Variants in ARHGAP22 observed in about 807,000 individuals in gnomAD.
The protein encoded by ARHGAP22 is rho GTPase-activating protein 22.
Under a neutral mutation model 59.1 loss-of-function variants are expected in ARHGAP22, and 48 were observed. That is an observed-to-expected ratio of 0.81 (90% CI 0.64 to 1.03). ARHGAP22 has a LOEUF of 1.03. Ranked by LOEUF, ARHGAP22 falls within the 50% of genes least tolerant of loss-of-function variation. The probability of loss-of-function intolerance (pLI) is 0.00; values close to 1 mark genes in which losing one functional copy is unlikely to be tolerated. For missense variants in ARHGAP22, 1,015 were observed against 958.7 expected, an observed-to-expected ratio of 1.06 and a Z score of -0.78; for synonymous variants, 445 against 416.4, an observed-to-expected ratio of 1.07 and a Z score of -0.84.
upstream of ARHGAP22, chr10:48,605,152 G>C: frequency 8.5e-7 from 1 of 1,169,622 alleles, no homozygotes. Flanking sequence ...GCGGGGCGGG[G>C]CCGAGAGGGG....
At chr10:48,538,583 C>T (rs1283569794) in intron 3 of ARHGAP22, among the ~76,000 whole-genome samples, 1 of 152,150 alleles carries the variant, frequency 6.6e-6, no homozygotes, top group African/African-American at 2.4e-5. Context: ...TTCTGGTATT[C>T]CAGAATAATG....
chr10:48,533,316 T>C (rs1023313258), intron 3 of ARHGAP22, among the ~76,000 whole-genome samples: 2 of 152,154 alleles, frequency 1.3e-5, no homozygotes, highest in African/African-American at 2.4e-5. Context: ...TATTCTTTTT[T>C]CTTTCTGTTG....
chr10:48,563,137 T>C lies in ARHGAP22; in HGVS notation c.235-7587A>G, dbSNP rs1284918106. 3.3e-5 allele frequency among the ~76,000 whole-genome samples: 5 copies of C among 150,828 alleles called. No homozygotes were observed. The East Asian group carries it at 8.1e-4, about 24-fold the overall frequency. The stretch of plus-strand genomic sequence containing the variant: ...CCTCTTTGTCTGCCTCCCTTTCCAC[T>C]ATAAAGAACTCTTATGATTATATTA... On this transcript the variant is annotated intron_variant, in intron 2 of 9. Coordinates refer to ENST00000249601, the MANE Select transcript of ARHGAP22 (RefSeq NM_021226.4).
chr10:48,531,078 A>C (rs1299833690), intron 3 of ARHGAP22, among the ~76,000 whole-genome samples: 2 of 152,252 alleles, frequency 1.3e-5, no homozygotes, highest in Non-Finnish European at 2.9e-5. Flanking sequence ...ATACCATGGA[A>C]TACTTCTTAG....
intron 1 of ARHGAP22, among the ~76,000 whole-genome samples, chr10:48,629,096 G>C (rs576528089): frequency 6.6e-6 from 1 of 152,234 alleles, no homozygotes; most frequent in South Asian, 2.1e-4. Flanking sequence ...GCTCCCAGCT[G>C]CTAACACCCA....
At chr10:48,553,358 T>C (rs749377) in intron 3 of ARHGAP22, among the ~76,000 whole-genome samples, 45,964 of 152,214 alleles carry the variant, frequency 0.3, 8,297 homozygotes, top group East Asian at 0.89. Flanking sequence ...GCTGCTGTGC[T>C]TGAGACAAAG....
At chr10:48,510,026 A>G (rs2052590335) in intron 3 of ARHGAP22, among the ~76,000 whole-genome samples, 1 of 152,214 alleles carries the variant, frequency 6.6e-6, no homozygotes, top group African/African-American at 2.4e-5. Flanking sequence ...GTTCAAACAT[A>G]GCTTCACCAG....
chr10:48,631,401 G>C (rs1019444095), intron 1 of ARHGAP22, among the ~76,000 whole-genome samples: 1 of 152,056 alleles, frequency 6.6e-6, no homozygotes, highest in Non-Finnish European at 1.5e-5. Flanking sequence ...TTAAGTGTTT[G>C]GTAGAATACA....
At chr10:48,432,203 A>G in the ARHGAP22 span, among the ~76,000 whole-genome samples, 16 of 152,208 alleles carry the variant, frequency 1.1e-4, no homozygotes, top group African/African-American at 2.9e-4. Flanking sequence ...AAGTAAAACT[A>G]TGCCATTTTA....
chr10:48,641,173 G>GA (rs2062029504), intron 1 of ARHGAP22, among the ~76,000 whole-genome samples: 1 of 151,926 alleles, frequency 6.6e-6, no homozygotes, highest in Admixed American at 6.6e-5. Flanking sequence ...GAGGGTAAAA[G>GA]AAAAACAGGA....
At chr10:48,493,592 GC>G in intron 3 of ARHGAP22, 2 of 1,484,178 alleles carry the variant, frequency 1.3e-6, no homozygotes, top group Non-Finnish European at 9.0e-7. Context: ...CCACTGCAGG[GC>G]TGCGGCCACT....
chr10:48,553,576 T>C (rs1456197318), intron 3 of ARHGAP22, among the ~76,000 whole-genome samples: 1 of 152,228 alleles, frequency 6.6e-6, no homozygotes, highest in East Asian at 1.9e-4. Flanking sequence ...TCTGTTTTTG[T>C]ACAATAGGTC....
At chr10:48,546,293 C>T (rs1018012660) in intron 3 of ARHGAP22, among the ~76,000 whole-genome samples, 5 of 152,178 alleles carry the variant, frequency 3.3e-5, no homozygotes, top group African/African-American at 9.7e-5. Flanking sequence ...TCTTGTAAGC[C>T]CCTCAGTTGG....
At chr10:48,587,577 G>C (rs796885599) in intron 1 of ARHGAP22, among the ~76,000 whole-genome samples, 3 of 152,146 alleles carry the variant, frequency 2.0e-5, no homozygotes, top group African/African-American at 7.2e-5. Flanking sequence ...GTTGGCTTAG[G>C]TCTCCACTGT....
intron 2 of ARHGAP22, among the ~76,000 whole-genome samples, chr10:48,560,440 G>T (rs1489700086): frequency 2.0e-5 from 3 of 152,168 alleles, no homozygotes; most frequent in South Asian, 4.1e-4. Context: ...AAACAATTAT[G>T]TTGGGTATGG....
At chr10:48,582,719 T>C (rs2059191888) in intron 2 of ARHGAP22, 1 of 579,368 alleles carries the variant, frequency 1.7e-6, no homozygotes, top group African/African-American at 1.9e-5. Flanking sequence ...ACATTCTCTA[T>C]CAACATTTTA....
At chr10:48,538,423 C>T (rs7072237) in intron 3 of ARHGAP22, among the ~76,000 whole-genome samples, 43,634 of 152,044 alleles carry the variant, frequency 0.29, 7,623 homozygotes, top group East Asian at 0.9. Context: ...TCTTTCCTAA[C>T]CTTGGCCTCC....
intron 2 of ARHGAP22, among the ~76,000 whole-genome samples, chr10:48,581,934 T>C (rs4838627): frequency 0.041 from 6,248 of 152,304 alleles, 133 homozygotes; most frequent in Middle Eastern, 0.088. Context: ...TTTTCACCCC[T>C]GTGCCCCCAT....
intron 3 of ARHGAP22, among the ~76,000 whole-genome samples, chr10:48,530,039 C>A (rs533513586): frequency 1.3e-5 from 2 of 152,060 alleles, no homozygotes; most frequent in Non-Finnish European, 2.9e-5. Flanking sequence ...GAGTTCGAGA[C>A]CAGCTTTGCT....
Sources: gnomAD v4.1 joint callset for allele counts (sites outside exome capture counted in the v4.1 genomes callset) on GRCh38, gnomAD v4.1.1 for gene constraint, MANE v1.5 for transcripts, NCBI Gene and HGNC (gene_info 2026-07-23, HGNC 2026-07-21) for gene names.